TMTC2: variants seen among roughly 807,000 people sequenced by gnomAD.
TMTC2 encodes protein O-mannosyl-transferase TMTC2.
Under a neutral mutation model 82.4 loss-of-function variants are expected in TMTC2, and 43 were observed. The ratio of observed to expected loss-of-function variants is 0.52; its 90% confidence interval spans 0.41 to 0.67. The LOEUF (loss-of-function observed/expected upper bound fraction) is 0.67, where lower values mean the gene tolerates loss of function less well. Among genes scored for constraint, TMTC2 ranks in the 30% least tolerant of loss-of-function variants. The pLI, the probability that TMTC2 is intolerant of heterozygous loss-of-function variation, is 0.00. For synonymous variants in TMTC2, 408 were observed against 381.9 expected (o/e 1.07, Z -0.80); for missense variants, 919 against 1,012.4 (o/e 0.91, Z 1.25).
intron 1 of TMTC2, among the ~76,000 whole-genome samples, chr12:82,820,160 T>C (rs1869002783): frequency 6.6e-6 from 1 of 152,164 alleles, no homozygotes; most frequent in African/African-American, 2.4e-5. Flanking sequence ...CTGCTTTTAT[T>C]CTGGCTGTGC....
chr12:82,739,863 A>G (rs1285676067), intron 1 of TMTC2, among the ~76,000 whole-genome samples: 1 of 150,906 alleles, frequency 6.6e-6, no homozygotes, highest in Non-Finnish European at 1.5e-5. Flanking sequence ...TGACTATAGA[A>G]CCAGTATTGT....
intron 8 of TMTC2, among the ~76,000 whole-genome samples, chr12:82,997,221 C>CTATA (rs1183203782): frequency 8.4e-6 from 1 of 118,512 alleles, no homozygotes. Flanking sequence ...CTCTCTCTCT[C>CTATA]TATATATATA....
chr12:82,945,108 T>C (rs917035832), intron 4 of TMTC2, among the ~76,000 whole-genome samples: 2 of 152,210 alleles, frequency 1.3e-5, no homozygotes, highest in Non-Finnish European at 2.9e-5. Flanking sequence ...TAGAATTGCC[T>C]GCTGAACTAA....
At chr12:82,799,725 G>T (rs1878903486) in intron 1 of TMTC2, among the ~76,000 whole-genome samples, 1 of 152,070 alleles carries the variant, frequency 6.6e-6, no homozygotes, top group African/African-American at 2.4e-5. Flanking sequence ...GTGTGTCTGT[G>T]TCCACATTTC....
chr12:83,125,986 C>T (rs1434017792), intron 11 of TMTC2, among the ~76,000 whole-genome samples: 1 of 152,122 alleles, frequency 6.6e-6, no homozygotes, highest in Non-Finnish European at 1.5e-5. Context: ...TAGACATATG[C>T]ACAAGAATTG....
intron 11 of TMTC2, among the ~76,000 whole-genome samples, chr12:83,066,000 T>A (rs1882903727): frequency 6.6e-6 from 1 of 152,024 alleles, no homozygotes. Flanking sequence ...TTCAACTTAT[T>A]TTTTATCAAG....
chr12:82,947,365 G>A (rs1223556723), intron 4 of TMTC2, among the ~76,000 whole-genome samples: 1 of 144,622 alleles, frequency 6.9e-6, no homozygotes, highest in Non-Finnish European at 1.5e-5. Context: ...TTTTTGAGAC[G>A]GAGTCTCGCT....
chr12:82,877,976 GT>G (rs1316958957), intron 2 of TMTC2, among the ~76,000 whole-genome samples: 8 of 152,270 alleles, frequency 5.3e-5, no homozygotes, highest in African/African-American at 1.9e-4. Flanking sequence ...ACTCTATATT[GT>G]TTTGTATAAG....
intron 2 of TMTC2, among the ~76,000 whole-genome samples, chr12:82,879,006 TATAGACATCA>T (rs1872702711): frequency 6.6e-6 from 1 of 152,190 alleles, no homozygotes; most frequent in Non-Finnish European, 1.5e-5. Context: ...TTCCAACACA[TATAGACATCA>T]ATTTCCTCAC....
chr12:82,937,738 G>GA (rs551965964), intron 4 of TMTC2, among the ~76,000 whole-genome samples: 2 of 93,460 alleles, frequency 2.1e-5, no homozygotes, highest in African/African-American at 8.2e-5. Flanking sequence ...GGATGTGTGT[G>GA]TGTGTGTGTG....
intron 1 of TMTC2, among the ~76,000 whole-genome samples, chr12:82,715,268 C>T (rs1873841416): frequency 6.7e-6 from 1 of 149,442 alleles, no homozygotes; most frequent in South Asian, 2.1e-4. Context: ...GAACGAGACT[C>T]CATTTCAAAA....
At chr12:82,968,311 C>T (rs867339425) in intron 7 of TMTC2, among the ~76,000 whole-genome samples, 1 of 152,036 alleles carries the variant, frequency 6.6e-6, no homozygotes, top group African/African-American at 2.4e-5. Flanking sequence ...TAAATTAAAA[C>T]AATGCCTTTT....
chr12:82,815,660 A>G (rs923408134), intron 1 of TMTC2, among the ~76,000 whole-genome samples: 23 of 151,656 alleles, frequency 1.5e-4, no homozygotes, highest in African/African-American at 5.3e-4. Context: ...TTATTTTTTT[A>G]TTTTTATTTT....
At chr12:82,698,461 A>G (rs931966749) in intron 1 of TMTC2, among the ~76,000 whole-genome samples, 2 of 152,192 alleles carry the variant, frequency 1.3e-5, no homozygotes, top group African/African-American at 4.8e-5. Flanking sequence ...AAAAAGCTGC[A>G]TGGTTATATA....
At chr12:82,805,497 CTTTTTTTTTT>C (rs753878105) in intron 1 of TMTC2, among the ~76,000 whole-genome samples, 13 of 90,580 alleles carry the variant, frequency 1.4e-4, no homozygotes, top group South Asian at 3.8e-4. Context: ...CCTCTCCCCA[CTTTTTTTTTT>C]TTTTTTTTTT....
intron 2 of TMTC2, among the ~76,000 whole-genome samples, chr12:82,872,397 G>A (rs558323133): frequency 6.6e-6 from 1 of 152,218 alleles, no homozygotes; most frequent in South Asian, 2.1e-4. Flanking sequence ...TACTCTACAT[G>A]GTGTTTCTCA....
chr12:83,093,474 G>A (rs11115576), intron 11 of TMTC2, among the ~76,000 whole-genome samples: 26,197 of 152,010 alleles, frequency 0.17, 2,703 homozygotes, highest in African/African-American at 0.27. Context: ...TCCCAAATGT[G>A]TTGTACAAAA....
chr12:82,956,019 A>G (rs1202916161), intron 4 of TMTC2, among the ~76,000 whole-genome samples: 2 of 152,116 alleles, frequency 1.3e-5, no homozygotes, highest in African/African-American at 2.4e-5. Context: ...TCCGTATGAT[A>G]TGGACTTACT....
chr12:82,939,796 A>G (rs181465420), intron 4 of TMTC2, among the ~76,000 whole-genome samples: 1 of 151,670 alleles, frequency 6.6e-6, no homozygotes, highest in East Asian at 1.9e-4. Flanking sequence ...TAAAAGGCAA[A>G]CCTCTCATCC....
Sources: allele counts gnomAD v4.1 joint callset (sites outside exome capture counted in the v4.1 genomes callset), GRCh38; gene constraint gnomAD v4.1.1; transcripts MANE v1.5; gene names NCBI Gene and HGNC (gene_info 2026-07-23, HGNC 2026-07-21).